Variants in GATB observed in about 807,000 individuals in gnomAD.
The protein encoded by GATB is glutamyl-tRNA(Gln) amidotransferase subunit B, mitochondrial.
In GATB, 39 loss-of-function variants were observed where a neutral mutation model predicts 62.3. That is an observed-to-expected ratio of 0.63 (90% CI 0.48 to 0.82). The LOEUF is 0.82. GATB is among the 40% of genes least tolerant of loss of function. GATB has a pLI of 0.00. For synonymous variants in GATB, 276 were observed against 258.9 expected, an observed-to-expected ratio of 1.07 and a Z score of -0.63; for missense variants, 670 against 684.0, an observed-to-expected ratio of 0.98 and a Z score of 0.23.
chr4:151,697,914 AAAC>A lies in GATB; in HGVS notation c.1197+3412_1197+3414del, dbSNP rs1179826087. On this transcript the variant is annotated intron_variant, in intron 9 of 12. Coordinates refer to ENST00000263985, the MANE Select transcript of GATB (RefSeq NM_004564.3). The stretch of plus-strand genomic sequence containing the variant: ...GACTCCGTCTCAAAAACAAACAAAC[AAAC>A]AAAAATCGATTTCATATATATGTGT... Among the ~76,000 whole-genome samples, 348 of 135,550 alleles carry A rather than the reference AAAC, an allele frequency of 2.6e-3. 4 individuals are homozygous for A. The highest frequency in any genetic ancestry group is 9.0e-3 in the African/African-American group (300 of 33,226). 88.9% of individuals were successfully genotyped at this position (135,550 alleles called of 152,430 possible).
In GATB at chr4:151,707,987, C is replaced by T. The variant is rs571950125; in HGVS notation, c.877+1G>A. On this transcript the variant is annotated splice_donor_variant, in intron 6 of 12. Coordinates refer to ENST00000263985, the MANE Select transcript of GATB (RefSeq NM_004564.3). LOFTEE classifies it high-confidence loss of function. Reference sequence around the variant, plus strand: ...CACTAGGAGCGGCAGCTGGCATTCACCTATGGCTTTGGCCAGGAACCTGAT... The same window carrying T: ...CACTAGGAGCGGCAGCTGGCATTCATCTATGGCTTTGGCCAGGAACCTGAT... 3.5e-5 allele frequency: 56 copies of T among 1,601,094 alleles called. No homozygotes were observed. The South Asian group carries it at 5.7e-4, about 16-fold the overall frequency.
chr4:151,676,274 TTTCTC>T (rs1273801299), intron 11 of GATB: 2 of 152,216 alleles, frequency 1.3e-5, no homozygotes, highest in African/African-American at 2.4e-5. Context: ...TTTTTGGCGA[TTTCTC>T]TTTAAAGCAG....
chr4:151,737,912 G>T (rs1257194096), intron 2 of GATB, among the ~76,000 whole-genome samples: 1 of 152,218 alleles, frequency 6.6e-6, no homozygotes, highest in African/African-American at 2.4e-5. Flanking sequence ...GTATAGAAAT[G>T]CCTGGATGTC....
chr4:151,734,992 T>C (rs1340872361), intron 2 of GATB, among the ~76,000 whole-genome samples: 1 of 152,100 alleles, frequency 6.6e-6, no homozygotes, highest in Non-Finnish European at 1.5e-5. Flanking sequence ...GAAGATAACA[T>C]TTGAAAAACC....
chr4:151,742,093 T>G (rs1739501371), intron 2 of GATB, among the ~76,000 whole-genome samples: 1 of 150,354 alleles, frequency 6.7e-6, no homozygotes, highest in Non-Finnish European at 1.5e-5. Flanking sequence ...GGATATGGTT[T>G]TTTTTTTTTT....
In GATB at chr4:151,747,520, GGCCC is replaced by G. The variant is rs530393030; in HGVS notation, c.327+11248_327+11251del. 1.6e-4 allele frequency among the ~76,000 whole-genome samples: 25 copies of G among 152,248 alleles called. 1 individual carries two copies. In the East Asian group the frequency reaches 3.9e-3, roughly 23 times the overall value. Reference sequence around the variant, plus strand: ...CCGGTTCATTCAATAAAACCCAATGGGCCCTGGCAGAGGCCACCAGGAATTCATT... The same window carrying G: ...CCGGTTCATTCAATAAAACCCAATGGTGGCAGAGGCCACCAGGAATTCATT... On this transcript the variant is annotated intron_variant, in intron 2 of 12. Coordinates refer to ENST00000263985, the MANE Select transcript of GATB (RefSeq NM_004564.3).
rs1227280508 is a variant in GATB, at chr4:151,672,800, G to T, written c.1507C>A (p.Gln503Lys). 6.2e-7 allele frequency: 1 copy of T among 1,614,188 alleles called. No homozygotes were observed. Among genetic ancestry groups the T allele is most frequent in the East Asian group, 2.2e-5 (1 of 44,880 alleles). Residue 503 changes from glutamine (Q) to lysine (K), a missense_variant, in exon 12 of 13, where the codon CAG (glutamine) becomes AAG (lysine). Gln to Lys is a moderately conservative substitution (Grantham distance 53). Transcript: ENST00000263985. ...GCCTCCATCACAGAGTGGCAGAGCT[G>T]CTCCAGTGCCCCCTGGTCCTGCATC... is the stretch of plus-strand genomic sequence containing the variant. ...ELMQDQGALE[Q>K]LCHSVMEAHP...
chr4:151,673,895 C>G (rs1269592560), intron 11 of GATB: 1 of 152,184 alleles, frequency 6.6e-6, no homozygotes, highest in East Asian at 1.9e-4. Flanking sequence ...AGCCATTCCT[C>G]CTGGAAAAAC....
intron 2 of GATB, among the ~76,000 whole-genome samples, chr4:151,742,208 C>G (rs573196960): frequency 3.2e-4 from 48 of 151,970 alleles, no homozygotes; most frequent in Non-Finnish European, 4.0e-4. Flanking sequence ...TCTGCCTCAG[C>G]CTCCTGAGTA....
At chr4:151,704,986 G>T (rs1226474286) in intron 7 of GATB, among the ~76,000 whole-genome samples, 199 bp downstream of exon 7, 1 of 151,746 alleles carries the variant, frequency 6.6e-6, no homozygotes, top group Non-Finnish European at 1.5e-5. Context: ...TCCCGACCTC[G>T]TGATCTGCCC....
rs192169053 is a variant in GATB, at chr4:151,693,100, C to T, written c.1198-4337G>A. Among the ~76,000 whole-genome samples the T allele has an allele frequency of 1.2e-3, 190 of 152,312 alleles. 1 individual carries two copies. Among genetic ancestry groups the T allele is most frequent in the African/African-American group, 1.3e-3 (56 of 41,562 alleles). ...CATCACCTGCGTATCAACGCAGGCA[C>T]TGCTGCTTTATTATTCCTGTGGATT... On this transcript the variant is annotated intron_variant, in intron 9 of 12. Transcript: ENST00000263985.
chr4:151,680,031 T>G (rs913034828), intron 10 of GATB, 140 bp from the exon 11 acceptor site: 6 of 658,188 alleles, frequency 9.1e-6, no homozygotes, highest in Non-Finnish European at 1.6e-5. Flanking sequence ...GCAGGCCAAC[T>G]GGGCTCTCTT....
intron 10 of GATB, among the ~76,000 whole-genome samples, chr4:151,685,903 A>C (rs1738233518): frequency 6.6e-6 from 1 of 152,030 alleles, no homozygotes; most frequent in South Asian, 2.1e-4. Context: ...AAATACAAAA[A>C]TTAGCTGGGT....
intron 2 of GATB, among the ~76,000 whole-genome samples, chr4:151,757,305 C>T (rs929735644): frequency 7.2e-5 from 11 of 151,890 alleles, no homozygotes; most frequent in Middle Eastern, 3.2e-3. Flanking sequence ...ACAGAAAATG[C>T]GATAAGAGAA....
intron 5 of GATB, among the ~76,000 whole-genome samples, chr4:151,710,907 C>A (rs1212719523): frequency 6.6e-6 from 1 of 152,192 alleles, no homozygotes; most frequent in African/African-American, 2.4e-5. Flanking sequence ...GCTCTGGTAT[C>A]TATTTGACAC....
At chr4:151,759,507 A>G (rs747158172) in intron 1 of GATB, among the ~76,000 whole-genome samples, 5 of 152,198 alleles carry the variant, frequency 3.3e-5, no homozygotes, top group Non-Finnish European at 5.9e-5. Flanking sequence ...CTCTTAAAAA[A>G]ATTTTGCAAA....
At chr4:151,758,735 T>G in intron 2 of GATB, 37 bp downstream of exon 2, 1 of 1,444,140 alleles carries the variant, frequency 6.9e-7, no homozygotes, top group East Asian at 2.4e-5. Context: ...AAAATAAACA[T>G]TTTTCTAATG....
intron 12 of GATB, 42 bp from the exon 13 acceptor site, chr4:151,671,344 G>A: frequency 1.3e-6 from 2 of 1,595,656 alleles, no homozygotes; most frequent in Non-Finnish European, 1.7e-6. Context: ...AGAAAATGAA[G>A]GGATTCATGC....
At chr4:151,683,831 C>G (rs960478041) in intron 10 of GATB, among the ~76,000 whole-genome samples, 4 of 152,238 alleles carry the variant, frequency 2.6e-5, no homozygotes, top group African/African-American at 9.6e-5. Context: ...AGCTCCTCTG[C>G]ATTTCCCACC....
Sources: gnomAD v4.1 joint callset for allele counts (sites outside exome capture counted in the v4.1 genomes callset) on GRCh38, gnomAD v4.1.1 for gene constraint, MANE v1.5 for transcripts, NCBI Gene and HGNC (gene_info 2026-07-23, HGNC 2026-07-21) for gene names.